ZDHHC15: variants seen among roughly 807,000 people sequenced by gnomAD.
ZDHHC15 encodes the protein zDHHC palmitoyltransferase 15, also known as palmitoyltransferase ZDHHC15.
Under a neutral mutation model 31.7 loss-of-function variants are expected in ZDHHC15, and 19 were observed. The ratio of observed to expected loss-of-function variants is 0.60; its 90% CI spans 0.42 to 0.88. The LOEUF (loss-of-function observed/expected upper bound fraction) is 0.88, where lower values mean the gene tolerates loss of function less well. Among genes scored for constraint, ZDHHC15 ranks in the 40% least tolerant of loss-of-function variants. The probability of loss-of-function intolerance (pLI) is 0.00; values close to 1 mark genes in which losing one functional copy is unlikely to be tolerated. For missense variants in ZDHHC15, 209 were observed against 251.2 expected (o/e 0.83, Z 1.14); for synonymous variants, 103 against 90.0 (o/e 1.14, Z -0.82).
intron 10 of ZDHHC15, among the ~76,000 whole-genome samples, chrX:75,383,346 A>G (rs1484393369): frequency 8.9e-6 from 1 of 112,375 alleles, no homozygotes; most frequent in African/African-American, 3.2e-5. Context: ...GAGAATACTG[A>G]AATAAAGATG....
chrX:75,474,402 T>A, intron 3 of ZDHHC15, among the ~76,000 whole-genome samples: 1 of 106,240 alleles, frequency 9.4e-6, no homozygotes, highest in South Asian at 4.3e-4. Context: ...GACCTTGTGA[T>A]TGTGTGAATT....
intron 2 of ZDHHC15, among the ~76,000 whole-genome samples, chrX:75,495,325 T>G (rs1006385659): frequency 3.6e-5 from 4 of 111,771 alleles, no homozygotes; most frequent in African/African-American, 1.3e-4. Context: ...ACTTTTACAC[T>G]ATTGGTGGGA....
intron 10 of ZDHHC15, among the ~76,000 whole-genome samples, chrX:75,380,507 C>T (rs779982917): frequency 9.0e-6 from 1 of 111,535 alleles, no homozygotes; most frequent in South Asian, 3.8e-4. Context: ...AATTTTTCCT[C>T]CAAGCAATTA....
intron 2 of ZDHHC15, among the ~76,000 whole-genome samples, chrX:75,485,723 CT>C (rs1219062512): frequency 9.0e-6 from 1 of 111,624 alleles, no homozygotes; most frequent in African/African-American, 3.3e-5. Flanking sequence ...GGAAAAATCA[CT>C]TAAAAAATTA....
At chrX:75,406,809 G>C (rs949670689) in intron 10 of ZDHHC15, among the ~76,000 whole-genome samples, 3 of 110,949 alleles carry the variant, frequency 2.7e-5, no homozygotes, top group Non-Finnish European at 3.8e-5. Flanking sequence ...AAATTGAAGA[G>C]GTGGGAATAC....
chrX:75,516,703 A>G (rs1345917920), intron 1 of ZDHHC15, among the ~76,000 whole-genome samples: 1 of 112,436 alleles, frequency 8.9e-6, no homozygotes, highest in Non-Finnish European at 1.9e-5. Context: ...AAAACACCAA[A>G]AGTAATGGCA....
chrX:75,506,259 T>C (rs1444145748), intron 1 of ZDHHC15, among the ~76,000 whole-genome samples: 2 of 111,851 alleles, frequency 1.8e-5, no homozygotes, highest in African/African-American at 6.5e-5. Flanking sequence ...GTTCGTTACA[T>C]ATGTATACAT....
chrX:75,491,370 G>A (rs1434438008), intron 2 of ZDHHC15, among the ~76,000 whole-genome samples: 7 of 105,420 alleles, frequency 6.6e-5, no homozygotes, highest in Admixed American at 1.0e-4. Flanking sequence ...GTAAACTATC[G>A]CAAGAACAAA....
At chrX:75,468,498 T>C (rs1339111508) in intron 3 of ZDHHC15, among the ~76,000 whole-genome samples, 1 of 112,320 alleles carries the variant, frequency 8.9e-6, no homozygotes, top group Non-Finnish European at 1.9e-5. Flanking sequence ...TTCTACCTTT[T>C]GGCTATAGTG....
At chrX:75,517,163 G>C (rs2085370948) in intron 1 of ZDHHC15, among the ~76,000 whole-genome samples, 1 of 111,916 alleles carries the variant, frequency 8.9e-6, no homozygotes, top group Non-Finnish European at 1.9e-5. Flanking sequence ...TTCAACCATT[G>C]TGGCAGACAG....
chrX:75,474,577 C>CACACAA (rs2084566904), intron 3 of ZDHHC15, among the ~76,000 whole-genome samples: 1 of 7,170 alleles, frequency 1.4e-4, no homozygotes, highest in Non-Finnish European at 1.5e-3. Flanking sequence ...CCTTTATACA[C>CACACAA]ACACACACAC....
intron 1 of ZDHHC15, among the ~76,000 whole-genome samples, chrX:75,516,906 T>C (rs765231189): frequency 1.8e-5 from 2 of 110,895 alleles, no homozygotes; most frequent in African/African-American, 3.3e-5. Context: ...ATCAAACAAC[T>C]CCATCAAAAA....
intron 11 of ZDHHC15, among the ~76,000 whole-genome samples, chrX:75,377,505 AT>A (rs1271588098): frequency 1.3e-4 from 3 of 22,574 alleles, no homozygotes; most frequent in Admixed American, 1.0e-3. Flanking sequence ...CAAAAAAAAA[AT>A]ATATATATAT....
intron 9 of ZDHHC15, 62 bp downstream of exon 9, chrX:75,421,802 T>A (rs1405942918): frequency 8.7e-7 from 1 of 1,151,504 alleles, no homozygotes; most frequent in African/African-American, 1.8e-5. Flanking sequence ...CAATCAAAAT[T>A]GAATTTGCTG....
chrX:75,391,775 C>A (rs1258631872), intron 10 of ZDHHC15, among the ~76,000 whole-genome samples: 2 of 111,695 alleles, frequency 1.8e-5, no homozygotes, highest in African/African-American at 6.5e-5. Flanking sequence ...TTTGAAGGTA[C>A]AAAACTCACT....
chrX:75,510,529 ATTTCTT>A (rs1213999460), intron 1 of ZDHHC15, among the ~76,000 whole-genome samples: 3 of 55,331 alleles, frequency 5.4e-5, no homozygotes, highest in Non-Finnish European at 1.4e-4. Flanking sequence ...TCTTCGGAAA[ATTTCTT>A]TTTTTTTTTT....
At chrX:75,494,954 T>G (rs746119392) in intron 2 of ZDHHC15, among the ~76,000 whole-genome samples, 11 of 111,491 alleles carry the variant, frequency 9.9e-5, no homozygotes, top group Non-Finnish European at 1.5e-4. Context: ...CAACTAAAGA[T>G]CTTCTGCACA....
At chrX:75,425,688 C>T (rs1018752517) in intron 7 of ZDHHC15, among the ~76,000 whole-genome samples, 5 of 111,515 alleles carry the variant, frequency 4.5e-5, no homozygotes, top group African/African-American at 1.6e-4. Flanking sequence ...GAAATATTTC[C>T]AATTGCTCTC....
At chrX:75,463,002 A>G (rs1001795991) in intron 3 of ZDHHC15, among the ~76,000 whole-genome samples, 1 of 111,217 alleles carries the variant, frequency 9.0e-6, no homozygotes, top group Non-Finnish European at 1.9e-5. Flanking sequence ...AATTAATCAA[A>G]TAGATAGACC....
Sources: gnomAD v4.1 joint callset for allele counts (sites outside exome capture counted in the v4.1 genomes callset) on GRCh38, gnomAD v4.1.1 for gene constraint, MANE v1.5 for transcripts, NCBI Gene and HGNC (gene_info 2026-07-23, HGNC 2026-07-21) for gene names.